Variants in KEL observed in about 807,000 individuals in gnomAD.
The protein encoded by KEL is Kell metallo-endopeptidase (Kell blood group).
In KEL, 96 loss-of-function variants were observed where a neutral mutation model predicts 99.5. The observed-to-expected ratio is 0.97, with a 90% confidence interval of 0.82 to 1.14. The LOEUF (loss-of-function observed/expected upper bound fraction) is 1.14, where lower values mean the gene tolerates loss of function less well. KEL is among the 50% of genes most tolerant of loss of function. KEL has a pLI of 0.00. For synonymous variants in KEL, 355 were observed against 354.8 expected, an observed-to-expected ratio of 1.00 and a Z score of -0.01; for missense variants, 926 against 924.2, an observed-to-expected ratio of 1.00 and a Z score of -0.03.
In KEL at chr7:142,941,273, G is replaced by A. The variant is rs1796344423; in HGVS notation, c.2178C>T (p.Ser726=). Residue 726 remains serine, a synonymous_variant, in exon 19 of 19, where the codon TCC becomes TCT. Coordinates refer to ENST00000355265, the MANE Select transcript of KEL (RefSeq NM_000420.3). The part of the protein sequence containing the change: ...RCARGALLNP[S]SRCQLW The stretch of plus-strand genomic sequence containing the variant: ...CAAGTTACCAGAGCTGGCAGCGGCT[G>A]GAGGGGTTCAAGAGAGCACCACGTG... The A allele has an allele frequency of 6.2e-7, 1 of 1,614,154 alleles. No homozygotes were observed. The highest frequency in any genetic ancestry group is 1.3e-5 in the African/African-American group (1 of 75,042).
intron 10 of KEL, chr7:142,946,576 T>C (rs183913829): frequency 6.0e-5 from 33 of 554,376 alleles, no homozygotes; most frequent in Non-Finnish European, 9.1e-5. Flanking sequence ...GCAAGGCCTC[T>C]AGGAGGCATC....
In KEL at chr7:142,952,658, C is replaced by A. The variant is rs1796718616; in HGVS notation, c.1074-20G>T. The A allele has an allele frequency of 6.2e-7, 1 of 1,613,560 alleles. No homozygotes were observed. The highest frequency in any genetic ancestry group is 8.5e-7 in the Non-Finnish European group (1 of 1,179,946). On this transcript the variant is annotated intron_variant, in intron 9 of 18. Coordinates refer to ENST00000355265, the MANE Select transcript of KEL (RefSeq NM_000420.3). ...AAGTCCCTATGGAGACAAAAGAGAC[C>A]CACACATATACCCCAGGAATCTGGG...
At chr7:142,958,762 A>G (rs1278654673) in intron 4 of KEL, among the ~76,000 whole-genome samples, 1 of 152,188 alleles carries the variant, frequency 6.6e-6, no homozygotes, top group East Asian at 1.9e-4. Context: ...AGATCTTTTG[A>G]TTAACTAAGA....
In KEL at chr7:142,957,992, G is replaced by C. The variant is rs373970435; in HGVS notation, c.526-19C>G. ...CTCCAAGCTTTAAAGGAGAGAGAGG[G>C]GGCTGAGCATAAGGATCCGTGGAGC... On this transcript the variant is annotated intron_variant, in intron 5 of 18. Coordinates refer to ENST00000355265, the MANE Select transcript of KEL (RefSeq NM_000420.3). The C allele has an allele frequency of 6.2e-7, 1 of 1,612,276 alleles. No homozygotes were observed. Among genetic ancestry groups the C allele is most frequent in the Admixed American group, 1.7e-5 (1 of 59,700 alleles).
At chr7:142,953,637 T>C (rs1329873071) in intron 9 of KEL, among the ~76,000 whole-genome samples, 171 bp downstream of exon 9, 2 of 152,028 alleles carry the variant, frequency 1.3e-5, no homozygotes, top group Admixed American at 1.3e-4. Flanking sequence ...CTCCATCCTC[T>C]CTGTGCCACC....
intron 6 of KEL, among the ~76,000 whole-genome samples, chr7:142,956,475 C>T (rs1299058763): frequency 1.3e-5 from 2 of 151,692 alleles, no homozygotes; most frequent in African/African-American, 4.9e-5. Context: ...GTTTCACCTT[C>T]GCCTGGCTTC....
In KEL at chr7:142,957,974, C is replaced by T. The variant is rs1208677044; in HGVS notation, c.526-1G>A. On this transcript the variant is annotated splice_acceptor_variant, in intron 5 of 18. Transcript: ENST00000355265. LOFTEE classifies it high-confidence loss of function. ...TACCAGAGATGCGCCAGCCTCCAAGCTTTAAAGGAGAGAGAGGGGGCTGAG... is the reference window on the plus strand; with the variant it reads ...TACCAGAGATGCGCCAGCCTCCAAGTTTTAAAGGAGAGAGAGGGGGCTGAG... The T allele has an allele frequency of 3.1e-6, 5 of 1,613,852 alleles. No individual in the cohort carries two copies. Among genetic ancestry groups the T allele is most frequent in the Non-Finnish European group, 4.2e-6 (5 of 1,179,896 alleles).
At chr7:142,957,794 G>A in intron 6 of KEL, 33 bp downstream of exon 6, 1 of 1,613,172 alleles carries the variant, frequency 6.2e-7, no homozygotes, top group Non-Finnish European at 8.5e-7. Flanking sequence ...GGCAGGCCAG[G>A]TCCAACTGTG....
chr7:142,942,221 T>C (rs1254122962), intron 18 of KEL: 14 of 587,756 alleles, frequency 2.4e-5, no homozygotes, highest in Non-Finnish European at 3.3e-5. Flanking sequence ...TTTTGAGTTG[T>C]GGGGGTGCTG....
In KEL at chr7:142,961,425, A is replaced by G; in HGVS notation, c.158T>C (p.Leu53Pro). Residue 53 changes from leucine to proline, a missense_variant, in exon 3 of 19, where the codon CTG (leucine) becomes CCG (proline). Coordinates refer to ENST00000355265, the MANE Select transcript of KEL (RefSeq NM_000420.3). ...AAAACAAAGGAGCAGGCCCAAAATC[A>G]GGATAGCTGTCAGCACCCGCCTGGC... ...AVARRVLTAI[L>P]ILGLLLCFSV... 1 of 1,613,762 alleles carries G rather than the reference A, an allele frequency of 6.2e-7. No homozygotes were observed. The highest frequency in any genetic ancestry group is 1.1e-5 in the South Asian group (1 of 91,054).
In KEL at chr7:142,953,796, C is replaced by T. The variant is rs1490904866; in HGVS notation, c.1073+12G>A. 9 of 1,613,896 alleles carry T rather than the reference C, an allele frequency of 5.6e-6. No individual in the cohort carries two copies. The highest frequency in any genetic ancestry group is 1.1e-5 in the South Asian group (1 of 91,088). On this transcript the variant is annotated intron_variant, in intron 9 of 18. Coordinates refer to ENST00000355265, the MANE Select transcript of KEL (RefSeq NM_000420.3). ...CATTTCCATGATCTCCCCAATCCCA[C>T]CTGCGGCGAACCTCTGCTTTAGCAG...
chr7:142,960,270 A>T (rs529629565), intron 4 of KEL, among the ~76,000 whole-genome samples: 8 of 152,028 alleles, frequency 5.3e-5, no homozygotes, highest in African/African-American at 1.9e-4. Flanking sequence ...TTCCACCATC[A>T]TCCATCATCT....
intron 11 of KEL, chr7:142,945,963 C>A: frequency 1.7e-6 from 1 of 573,184 alleles, no homozygotes; most frequent in East Asian, 2.9e-5. Flanking sequence ...AAACACAAGA[C>A]CAGGAAAGTT....
At chr7:142,948,307 A>G (rs1390122430) in intron 10 of KEL, among the ~76,000 whole-genome samples, 4 of 152,302 alleles carry the variant, frequency 2.6e-5, no homozygotes, top group African/African-American at 9.6e-5. Flanking sequence ...GAGAAAAAAA[A>G]GTCTCCAAAA....
At chr7:142,943,967 C>T (rs1796443264) in intron 13 of KEL, 84 bp from the exon 14 acceptor site, 1 of 1,162,566 alleles carries the variant, frequency 8.6e-7, no homozygotes, top group South Asian at 1.3e-5. Context: ...CCATTTGACC[C>T]CAAACAGGCA....
intron 10 of KEL, among the ~76,000 whole-genome samples, chr7:142,951,328 C>A (rs965116063): frequency 9.9e-5 from 15 of 152,196 alleles, no homozygotes; most frequent in African/African-American, 3.4e-4. Context: ...TTTGTAGCAA[C>A]CCCAATTAAG....
chr7:142,944,630 C>A lies in KEL; in HGVS notation c.1413+13G>T, dbSNP rs758787412. 4 of 1,598,556 alleles carry A rather than the reference C, an allele frequency of 2.5e-6. No individual in the cohort carries two copies. In the South Asian group the frequency reaches 4.4e-5, roughly 18 times the overall value. ...GCACAGGCTCCCACACCAGCCAGGA[C>A]GCCTGGCCTGACCTTGTCCTGGGCC... is the stretch of plus-strand genomic sequence containing the variant. On this transcript the variant is annotated intron_variant, in intron 12 of 18. Transcript: ENST00000355265.
chr7:142,942,743 C>T, intron 17 of KEL, 132 bp downstream of exon 17: 1 of 1,183,054 alleles, frequency 8.5e-7, no homozygotes. Context: ...AAGTTGCCGT[C>T]TATTCAGTGG....
Position 142,946,291 on chromosome 7 carries a change from G to A in KEL, c.1230C>T (p.Cys410=), listed in dbSNP as rs765248382. 63 of 1,613,886 alleles carry A rather than the reference G, an allele frequency of 3.9e-5. No homozygotes were observed. Among genetic ancestry groups the A allele is most frequent in the Middle Eastern group, 1.6e-4 (1 of 6,084 alleles). The change falls in exon 11 of 19, where the codon TGC becomes TGT. Residue 410 remains cysteine, a synonymous_variant. Coordinates refer to ENST00000355265, the MANE Select transcript of KEL (RefSeq NM_000420.3). ...CGAAGAACGTGCCTGTCTCCTCCAC[G>A]CACTTCATCCATCGTGGGCGGGCAG... The part of the protein sequence containing the change: ...PMPARPRWMK[C]VEETGTFFEP...
Sources: allele counts gnomAD v4.1 joint callset (sites outside exome capture counted in the v4.1 genomes callset), GRCh38; gene constraint gnomAD v4.1.1; transcripts MANE v1.5; gene names NCBI Gene and HGNC (gene_info 2026-07-23, HGNC 2026-07-21).